Variants in NDRG3 observed in about 807,000 individuals in gnomAD.
The protein encoded by NDRG3 is protein NDRG3.
In NDRG3, 23 loss-of-function variants were observed where a neutral mutation model predicts 57.2. That is an observed-to-expected ratio of 0.40 (90% confidence interval 0.29 to 0.57). The LOEUF is 0.57. Among genes scored for constraint, NDRG3 ranks in the 20% least tolerant of loss-of-function variants. The probability of loss-of-function intolerance (pLI) is 0.42; values close to 1 mark genes in which losing one functional copy is unlikely to be tolerated. For synonymous variants in NDRG3, 132 were observed against 162.6 expected (o/e 0.81, Z 1.43); for missense variants, 384 against 457.3 (o/e 0.84, Z 1.46).
chr20:36,709,915 ACTT>A (rs1040965993), intron 2 of NDRG3, among the ~76,000 whole-genome samples: 1 of 152,184 alleles, frequency 6.6e-6, no homozygotes, highest in African/African-American at 2.4e-5. Context: ...AAAAAAAAAA[ACTT>A]CTACTGCATT....
At chr20:36,743,628 C>G (rs1986027096) in intron 1 of NDRG3, among the ~76,000 whole-genome samples, 1 of 151,844 alleles carries the variant, frequency 6.6e-6, no homozygotes. Context: ...TCCTGGCTAA[C>G]ACGGTGAAAC....
intron 13 of NDRG3, among the ~76,000 whole-genome samples, chr20:36,659,472 C>A (rs1600852104): frequency 6.6e-6 from 1 of 151,924 alleles, no homozygotes; most frequent in East Asian, 1.9e-4. Flanking sequence ...AAAAAGACAG[C>A]AGTATTTTAC....
At chr20:36,657,345 G>A (rs947973402) in intron 13 of NDRG3, among the ~76,000 whole-genome samples, 4 of 151,974 alleles carry the variant, frequency 2.6e-5, no homozygotes, top group African/African-American at 4.8e-5. Context: ...AAAATTAGCC[G>A]GGCGTGGTGG....
chr20:36,712,566 T>C (rs1482904102), intron 2 of NDRG3, among the ~76,000 whole-genome samples: 497 of 15,278 alleles, frequency 0.033, 5 homozygotes, highest in Non-Finnish European at 0.072. Context: ...CGGCTATATA[T>C]ATATATATAT....
chr20:36,704,960 C>T (rs980926167), intron 3 of NDRG3, among the ~76,000 whole-genome samples: 2 of 152,100 alleles, frequency 1.3e-5, no homozygotes, highest in African/African-American at 4.8e-5. Flanking sequence ...GTTTTTCAAT[C>T]CCAACCACTC....
At chr20:36,735,187 T>A (rs976074083) in intron 1 of NDRG3, among the ~76,000 whole-genome samples, 2 of 152,150 alleles carry the variant, frequency 1.3e-5, no homozygotes, top group Non-Finnish European at 2.9e-5. Context: ...TTTAACAGTA[T>A]ACAAGTCACC....
At chr20:36,674,088 A>G (rs1980427481) in intron 8 of NDRG3, among the ~76,000 whole-genome samples, 1 of 152,186 alleles carries the variant, frequency 6.6e-6, no homozygotes, top group Non-Finnish European at 1.5e-5. Flanking sequence ...CCTGGGCAAC[A>G]AGAGTGAAAC....
chr20:36,737,958 G>A (rs1294334528), intron 1 of NDRG3, among the ~76,000 whole-genome samples: 1 of 150,856 alleles, frequency 6.6e-6, no homozygotes, highest in Non-Finnish European at 1.5e-5. Context: ...CAGCTACTCA[G>A]GAGGCTGAGG....
chr20:36,685,737 G>A (rs564753624), intron 5 of NDRG3, among the ~76,000 whole-genome samples: 2 of 152,294 alleles, frequency 1.3e-5, no homozygotes, highest in Admixed American at 6.5e-5. Flanking sequence ...GACTGGGAGC[G>A]TTGGCTCACG....
At chr20:36,682,412 A>C in intron 7 of NDRG3, 106 bp downstream of exon 7, 1 of 869,756 alleles carries the variant, frequency 1.1e-6, no homozygotes, top group Non-Finnish European at 1.8e-6. Context: ...GTTACAGAAA[A>C]ACTGACATAA....
intron 9 of NDRG3, among the ~76,000 whole-genome samples, chr20:36,667,990 A>G (rs1056951022): frequency 7.2e-5 from 11 of 152,234 alleles, no homozygotes; most frequent in African/African-American, 2.2e-4. Flanking sequence ...CTGTAATCCC[A>G]GCACTTTAGG....
At chr20:36,679,541 T>C (rs1231342753) in intron 8 of NDRG3, among the ~76,000 whole-genome samples, 1 of 151,926 alleles carries the variant, frequency 6.6e-6, no homozygotes, top group African/African-American at 2.4e-5. Context: ...TTCACTCTTG[T>C]CACCCAGGCT....
intron 6 of NDRG3, among the ~76,000 whole-genome samples, chr20:36,682,839 C>T (rs1002800780): frequency 3.3e-5 from 5 of 151,620 alleles, no homozygotes; most frequent in East Asian, 3.9e-4. Context: ...ATCACGAGGT[C>T]GGCGGATCAC....
intron 8 of NDRG3, among the ~76,000 whole-genome samples, chr20:36,676,895 G>A (rs1446666089): frequency 6.6e-6 from 1 of 152,262 alleles, no homozygotes; most frequent in Non-Finnish European, 1.5e-5. Flanking sequence ...GTTGGGACCA[G>A]AGCCGCAGAC....
intron 4 of NDRG3, 106 bp from the exon 5 acceptor site, chr20:36,687,718 C>G (rs1981913165): frequency 1.5e-6 from 2 of 1,323,038 alleles, no homozygotes; most frequent in Admixed American, 4.6e-5. Flanking sequence ...TTTTTAACCA[C>G]CATTCCACCA....
intron 1 of NDRG3, among the ~76,000 whole-genome samples, chr20:36,728,713 GGTTTTTTT>G (rs1036489513): frequency 1.3e-5 from 2 of 151,946 alleles, no homozygotes; most frequent in African/African-American, 4.8e-5. Flanking sequence ...AAGGCATTTT[GGTTTTTTT>G]GTTTTTTTGG....
chr20:36,656,006 T>C (rs374379252), intron 15 of NDRG3, among the ~76,000 whole-genome samples: 46 of 151,920 alleles, frequency 3.0e-4, no homozygotes, highest in African/African-American at 1.0e-3. Context: ...TGGTGGCACA[T>C]GCCTGTAGTC....
chr20:36,655,795 TTTC>T (rs781287074), intron 15 of NDRG3, among the ~76,000 whole-genome samples: 32 of 152,274 alleles, frequency 2.1e-4, no homozygotes, highest in African/African-American at 7.2e-4. Flanking sequence ...TGAGCCTCAG[TTTC>T]TTCTTCTATA....
intron 3 of NDRG3, among the ~76,000 whole-genome samples, chr20:36,699,930 G>C (rs1041195441): frequency 3.9e-5 from 6 of 151,980 alleles, no homozygotes; most frequent in Non-Finnish European, 7.4e-5. Flanking sequence ...AGACCAGCCT[G>C]ACCAACATGG....
Sources: allele counts gnomAD v4.1 joint callset (sites outside exome capture counted in the v4.1 genomes callset), GRCh38; gene constraint gnomAD v4.1.1; transcripts MANE v1.5; gene names NCBI Gene and HGNC (gene_info 2026-07-23, HGNC 2026-07-21).